Variants in SIN3A observed in about 807,000 individuals in gnomAD.
SIN3A encodes the protein SIN3 transcription regulator family member A.
SIN3A carries 14 observed loss-of-function variants against 146.1 expected under a neutral mutation model. The ratio of observed to expected loss-of-function variants is 0.10; its 90% CI spans 0.06 to 0.15. The LOEUF (loss-of-function observed/expected upper bound fraction) is 0.15, where lower values mean the gene tolerates loss of function less well. Ranked by LOEUF, SIN3A falls within the 10% of genes least tolerant of loss-of-function variation. The probability of loss-of-function intolerance (pLI) is 1.00; values close to 1 mark genes in which losing one functional copy is unlikely to be tolerated. For synonymous variants in SIN3A, 572 were observed against 572.0 expected (o/e 1.00, Z 0.00); for missense variants, 1,028 against 1,576.0 (o/e 0.65, Z 5.89).
chr15:75,434,375 C>T (rs1218566755), intron 1 of SIN3A, among the ~76,000 whole-genome samples: 1 of 152,110 alleles, frequency 6.6e-6, no homozygotes, highest in South Asian at 2.1e-4. Flanking sequence ...GTAGGCCGGG[C>T]GCGGTGGCTC....
At chr15:75,440,563 C>T (rs1422296826) in intron 1 of SIN3A, among the ~76,000 whole-genome samples, 1 of 152,058 alleles carries the variant, frequency 6.6e-6, no homozygotes. Flanking sequence ...TTATTCCGTA[C>T]TTTCCTGGAC....
rs986076882 is a variant in SIN3A at position 75,410,342 on chromosome 15, C to T, written c.1009-56G>A. On this transcript the variant is annotated intron_variant, in intron 6 of 20. Coordinates refer to ENST00000394947, the MANE Select transcript of SIN3A (RefSeq NM_001145358.2). ...TGGGCTACTGTTTTGAGTCACTCAT[C>T]TTTGCACGCTTTCTGGAATCACTGT... 7.2e-6 allele frequency: 11 copies of T among 1,527,502 alleles called. No individual in the cohort carries two copies. In the East Asian group the frequency reaches 1.6e-4, roughly 22 times the overall value. The allele number at this position is 1,527,502 out of a possible 1,614,324, so 94.6% of individuals were successfully genotyped here.
chr15:75,421,666 A>G (rs952564461), intron 3 of SIN3A: 9 of 152,260 alleles, frequency 5.9e-5, no homozygotes, highest in South Asian at 2.1e-4. Flanking sequence ...TGCAAGCAAC[A>G]TAAGTAGGTT....
intron 2 of SIN3A, among the ~76,000 whole-genome samples, chr15:75,427,028 A>T (rs775845519): frequency 5.3e-5 from 8 of 152,200 alleles, no homozygotes; most frequent in Non-Finnish European, 1.0e-4. Context: ...AGTGGGAGAA[A>T]ATCTGAGGTG....
chr15:75,455,002 T>A (rs1170407053), upstream of SIN3A: 1 of 151,650 alleles, frequency 6.6e-6, no homozygotes, highest in African/African-American at 2.4e-5. Flanking sequence ...CTCGCAGGGC[T>A]AGCGGCGAGG....
At chr15:75,455,192 G>A (rs953356333), upstream of SIN3A, among the ~76,000 whole-genome samples, 1 of 152,016 alleles carries the variant, frequency 6.6e-6, no homozygotes, top group Non-Finnish European at 1.5e-5. Flanking sequence ...GGCGGCTGCC[G>A]CCCTTGTCCA....
At chr15:75,403,107 T>C (rs1299087652) in intron 9 of SIN3A, among the ~76,000 whole-genome samples, 1 of 152,084 alleles carries the variant, frequency 6.6e-6, no homozygotes, top group Non-Finnish European at 1.5e-5. Context: ...AGGAATCATT[T>C]TACTATTCTG....
At chr15:75,448,681 A>G (rs973587992) in intron 1 of SIN3A, among the ~76,000 whole-genome samples, 3 of 152,180 alleles carry the variant, frequency 2.0e-5, no homozygotes, top group Admixed American at 6.6e-5. Flanking sequence ...CCCAGAAAAG[A>G]GAGAAAGCCA....
intron 1 of SIN3A, among the ~76,000 whole-genome samples, chr15:75,434,527 G>A (rs1049633430): frequency 1.9e-4 from 29 of 152,016 alleles, no homozygotes; most frequent in African/African-American, 6.3e-4. Flanking sequence ...GTGGGCGCCT[G>A]TAATCCCAGC....
intron 2 of SIN3A, among the ~76,000 whole-genome samples, chr15:75,429,507 A>G (rs2073979572): frequency 6.6e-6 from 1 of 152,216 alleles, no homozygotes; most frequent in African/African-American, 2.4e-5. Context: ...ACACTGTCCA[A>G]GAGTCAGCCA....
upstream of SIN3A, chr15:75,455,803 A>T (rs899833416): frequency 2.6e-5 from 4 of 152,238 alleles, no homozygotes; most frequent in African/African-American, 9.6e-5. Context: ...GAGCCAGGCG[A>T]GGAGTCCTGA....
chr15:75,413,705 G>A (rs143342950), intron 4 of SIN3A, among the ~76,000 whole-genome samples: 68 of 152,092 alleles, frequency 4.5e-4, no homozygotes, highest in African/African-American at 1.3e-3. Flanking sequence ...CACCATGCCC[G>A]GCTAATTTTT....
At position 75,380,539 on chromosome 15, in the gene SIN3A, T is replaced by A. The variant is rs150818977; in HGVS notation, c.3383+90A>T. 5.2e-4 allele frequency: 506 copies of A among 964,616 alleles called. No individual in the cohort carries two copies. In the African/African-American group the frequency reaches 7.2e-3, roughly 14 times the overall value. The allele number at this position is 964,616 out of a possible 1,614,324, so 59.8% of individuals were successfully genotyped here. A position where few individuals can be genotyped will look rare whatever the true frequency, so the allele number is the denominator to read the frequency against. On this transcript the variant is annotated intron_variant, in intron 19 of 20. Transcript: ENST00000394947. Reference sequence around the variant, plus strand: ...GCAGATAGAACAAATGAATAAAATATGTGAAGGCCAAGAACGTGAAAGTCA... The same window carrying A: ...GCAGATAGAACAAATGAATAAAATAAGTGAAGGCCAAGAACGTGAAAGTCA...
chr15:75,372,391 G>C (rs1216164084), intron 20 of SIN3A, among the ~76,000 whole-genome samples, 182 bp from the exon 21 acceptor site: 3 of 151,954 alleles, frequency 2.0e-5, no homozygotes, highest in Admixed American at 1.3e-4. Flanking sequence ...AAGTTAAAGA[G>C]GTAAGAACAT....
chr15:75,429,925 T>C (rs1200017052), intron 2 of SIN3A: 2 of 305,704 alleles, frequency 6.5e-6, no homozygotes, highest in African/African-American at 2.2e-5. Context: ...AAGGGAATGA[T>C]AAATACAAAG....
At chr15:75,396,577 G>A in intron 12 of SIN3A, 81 bp from the exon 13 acceptor site, 1 of 1,004,326 alleles carries the variant, frequency 1.0e-6, no homozygotes, top group South Asian at 1.5e-5. Flanking sequence ...ATAAGGTAGG[G>A]AGTCAAACTC....
chr15:75,417,047 G>C (rs201015051), intron 3 of SIN3A, among the ~76,000 whole-genome samples: 1 of 142,424 alleles, frequency 7.0e-6, no homozygotes, highest in Non-Finnish European at 1.5e-5. Flanking sequence ...TTTTTTTTTT[G>C]GTAGCTCATT....
At chr15:75,419,700 C>T (rs1343986763) in intron 3 of SIN3A, 2 of 151,792 alleles carry the variant, frequency 1.3e-5, no homozygotes, top group Non-Finnish European at 2.9e-5. Flanking sequence ...TGGTGCATGC[C>T]TGTAATCCCA....
chr15:75,435,792 A>G (rs2074097518), intron 1 of SIN3A, among the ~76,000 whole-genome samples: 1 of 152,170 alleles, frequency 6.6e-6, no homozygotes, highest in Non-Finnish European at 1.5e-5. Flanking sequence ...AAAATGTACT[A>G]AAGATTTGTA....
Sources: gnomAD v4.1 joint callset for allele counts (sites outside exome capture counted in the v4.1 genomes callset) on GRCh38, gnomAD v4.1.1 for gene constraint, MANE v1.5 for transcripts, NCBI Gene and HGNC (gene_info 2026-07-23, HGNC 2026-07-21) for gene names.